The following RPS6KA2 variants were observed in gnomAD, a reference collection of about 807,000 sequenced individuals.
RPS6KA2 encodes ribosomal protein S6 kinase A2.
A neutral mutation model predicts 91.8 loss-of-function variants in RPS6KA2; 42 were observed. The ratio of observed to expected loss-of-function variants is 0.46; its 90% CI spans 0.36 to 0.59. RPS6KA2 has a LOEUF of 0.59. RPS6KA2 is among the 20% of genes least tolerant of loss of function. RPS6KA2 has a pLI of 0.00. For missense variants in RPS6KA2, 798 were observed against 978.5 expected (o/e 0.82, Z 2.46); for synonymous variants, 414 against 393.6 (o/e 1.05, Z -0.61).
intron 2 of RPS6KA2, among the ~76,000 whole-genome samples, chr6:166,634,375 C>T (rs980991101): frequency 3.9e-5 from 6 of 152,194 alleles, no homozygotes; most frequent in African/African-American, 1.4e-4. Context: ...AGGATAAGTC[C>T]TTGCGTCCAC....
intron 2 of RPS6KA2, among the ~76,000 whole-genome samples, chr6:166,830,947 C>G (rs987185335): frequency 2.0e-5 from 3 of 152,150 alleles, no homozygotes; most frequent in African/African-American, 7.2e-5. Context: ...CTGGCCAGAC[C>G]CAGGCTCTCC....
rs1341937111 is a variant in RPS6KA2, at chr6:166,445,348, C to T, written c.1332+3376G>A. On this transcript the variant is annotated intron_variant, in intron 14 of 20. Transcript: ENST00000265678. This position sits in a 1 kb window ranked among gnomAD's most constrained non-coding sequence, Gnocchi z 4.5. The stretch of plus-strand genomic sequence containing the variant: ...AAGAAGAAAAACTCCATCCCCATCT[C>T]CAAAATATCAACCTCCTGGCCTTTA... Among the ~76,000 whole-genome samples the T allele has an allele frequency of 1.3e-5, 2 of 152,212 alleles. No individual in the cohort carries two copies. The highest frequency in any genetic ancestry group is 2.9e-5 in the Non-Finnish European group (2 of 68,036).
chr6:166,693,572 C>G (rs988734744), intron 2 of RPS6KA2, among the ~76,000 whole-genome samples: 1 of 152,176 alleles, frequency 6.6e-6, no homozygotes, highest in African/African-American at 2.4e-5. Flanking sequence ...TGGTCTGTGG[C>G]CAGGGAGATC....
At position 166,753,737 on chromosome 6, in the gene RPS6KA2, A is replaced by G. The variant is rs564658214; in HGVS notation, c.123+104463T>C. On this transcript the variant is annotated intron_variant, in intron 2 of 21. Transcript: ENST00000503859. ...TAATAAAGCCCTTATTACCACACTT[A>G]TTGTGGTTGTTAAACAGTCATTAGC... Among the ~76,000 whole-genome samples the G allele has an allele frequency of 8.7e-4, 132 of 152,338 alleles. 1 individual carries two copies. Among genetic ancestry groups the G allele is most frequent in the African/African-American group, 4.6e-4 (19 of 41,578 alleles).
chr6:166,478,904 T>G (rs1056902190), intron 10 of RPS6KA2, among the ~76,000 whole-genome samples: 2 of 152,158 alleles, frequency 1.3e-5, no homozygotes, highest in African/African-American at 4.8e-5. Context: ...GTTCGTAGAA[T>G]AAATAAGCAA....
intron 2 of RPS6KA2, among the ~76,000 whole-genome samples, chr6:166,738,383 G>A (rs771057557): frequency 9.2e-5 from 14 of 152,142 alleles, no homozygotes; most frequent in Non-Finnish European, 1.8e-4. Flanking sequence ...GGCCTCGGGG[G>A]GATGGTCCAG....
chr6:166,681,790 G>A (rs909488194), intron 2 of RPS6KA2, among the ~76,000 whole-genome samples: 4 of 149,490 alleles, frequency 2.7e-5, no homozygotes, highest in Non-Finnish European at 5.9e-5. Flanking sequence ...GTGGCCCAGG[G>A]CTGGGGCCTG....
chr6:166,832,438 C>T (rs924182599), intron 2 of RPS6KA2, among the ~76,000 whole-genome samples: 5 of 152,162 alleles, frequency 3.3e-5, no homozygotes, highest in African/African-American at 1.2e-4. Flanking sequence ...AGGCTTGGAA[C>T]CCCAGGCAAT....
intron 10 of RPS6KA2, among the ~76,000 whole-genome samples, chr6:166,470,558 G>A (rs1780725245): frequency 6.6e-6 from 1 of 152,224 alleles, no homozygotes; most frequent in South Asian, 2.1e-4. Flanking sequence ...GGGGCAGAAA[G>A]GAAGGAGGGA....
chr6:166,593,036 C>T (rs1785407652), intron 1 of RPS6KA2, among the ~76,000 whole-genome samples: 2 of 152,158 alleles, frequency 1.3e-5, no homozygotes, highest in Admixed American at 6.5e-5. Flanking sequence ...GATGCAACCT[C>T]GACAGACACC....
chr6:166,703,881 T>C (rs1789604083), intron 2 of RPS6KA2, among the ~76,000 whole-genome samples: 1 of 152,244 alleles, frequency 6.6e-6, no homozygotes, highest in Admixed American at 6.5e-5. Context: ...GAAAAAATTA[T>C]AGAAATATGA....
At chr6:166,834,863 T>G (rs940293415) in intron 2 of RPS6KA2, among the ~76,000 whole-genome samples, 11 of 150,142 alleles carry the variant, frequency 7.3e-5, no homozygotes, top group Non-Finnish European at 8.9e-5. Flanking sequence ...ATTTATTTAT[T>G]TAGCAGTTCA....
intron 11 of RPS6KA2, among the ~76,000 whole-genome samples, chr6:166,467,925 C>T (rs537587946): frequency 5.1e-4 from 77 of 152,316 alleles, no homozygotes; most frequent in Admixed American, 2.5e-3. Context: ...GCAGATCATA[C>T]GGGGAGAAGC....
chr6:166,550,880 A>G (rs1229932576), intron 1 of RPS6KA2, among the ~76,000 whole-genome samples: 1 of 150,962 alleles, frequency 6.6e-6, no homozygotes, highest in East Asian at 2.0e-4. Context: ...GGGCGCCTGT[A>G]GTCCCAGCTA....
intron 14 of RPS6KA2, among the ~76,000 whole-genome samples, chr6:166,444,633 G>A (rs1779621287): frequency 2.6e-5 from 4 of 152,234 alleles, no homozygotes; most frequent in African/African-American, 2.4e-5. Context: ...TGCCGTGCGC[G>A]TGAGAAGGAA....
intron 1 of RPS6KA2, among the ~76,000 whole-genome samples, chr6:166,567,534 G>T (rs959735039): frequency 6.6e-6 from 1 of 152,194 alleles, no homozygotes; most frequent in African/African-American, 2.4e-5. Context: ...GATTAACTAT[G>T]GGCACATGAC....
intron 1 of RPS6KA2, among the ~76,000 whole-genome samples, chr6:166,613,859 C>T (rs549353724): frequency 7.2e-5 from 11 of 152,014 alleles, no homozygotes; most frequent in Admixed American, 3.9e-4. Context: ...AGGACACAGT[C>T]GGGCTTTCCA....
At chr6:166,583,928 C>T (rs551023061) in intron 1 of RPS6KA2, among the ~76,000 whole-genome samples, 7 of 152,354 alleles carry the variant, frequency 4.6e-5, no homozygotes, top group African/African-American at 1.7e-4. Context: ...AATTTCATCA[C>T]CTTACCCCAT....
chr6:166,535,773 G>C (rs1028499080), intron 2 of RPS6KA2, among the ~76,000 whole-genome samples: 10 of 152,202 alleles, frequency 6.6e-5, no homozygotes, highest in African/African-American at 2.2e-4. Flanking sequence ...TTCATTTTGA[G>C]GATAAGGCTG....
Sources: gnomAD v4.1 joint callset for allele counts (sites outside exome capture counted in the v4.1 genomes callset) on GRCh38, gnomAD v4.1.1 for gene constraint, Gnocchi (gnomAD v3.1) non-coding constraint, MANE v1.5 for transcripts, NCBI Gene and HGNC (gene_info 2026-07-23, HGNC 2026-07-21) for gene names.